CD72: variants seen among roughly 807,000 people sequenced by gnomAD.
CD72 encodes the protein B-cell differentiation antigen CD72.
CD72 carries 28 observed loss-of-function variants against 50.7 expected under a neutral mutation model. That is an observed-to-expected ratio of 0.55 (90% CI 0.41 to 0.76). The LOEUF is 0.76. Among genes scored for constraint, CD72 ranks in the 30% least tolerant of loss-of-function variants. The pLI is 0.00. For synonymous variants in CD72, 176 were observed against 171.2 expected (o/e 1.03, Z -0.22); for missense variants, 403 against 420.6 (o/e 0.96, Z 0.37).
At chr9:35,641,919 T>A (rs1159262379) in intron 1 of CD72, among the ~76,000 whole-genome samples, 1 of 152,222 alleles carries the variant, frequency 6.6e-6, no homozygotes, top group Non-Finnish European at 1.5e-5. Flanking sequence ...TCCATACTGC[T>A]GCATGGGCAT....
intron 1 of CD72, among the ~76,000 whole-genome samples, chr9:35,638,640 T>C (rs1563900469): frequency 1.3e-5 from 2 of 151,090 alleles, no homozygotes; most frequent in Non-Finnish European, 2.9e-5. Flanking sequence ...GTCCTGCAAG[T>C]TAACCTGCAG....
In CD72 at chr9:35,616,037, G is replaced by A. The variant is rs1823058417; in HGVS notation, c.594C>T (p.Thr198=). The A allele has an allele frequency of 1.9e-6, 3 of 1,614,054 alleles. No individual in the cohort carries two copies. Among genetic ancestry groups the A allele is most frequent in the Non-Finnish European group, 2.5e-6 (3 of 1,180,012 alleles). Residue 198 remains threonine (T), a synonymous_variant, in exon 5 of 9, where the codon ACC becomes ACT. Coordinates refer to ENST00000259633, the MANE Select transcript of CD72 (RefSeq NM_001782.3). ...CQADRQKTKE[T]LQSEEQQRRA... ...TCCTCTGTTGCTCCTCACTTTGCAAGGTCTCCTTCGTCTTCTGTCTGTCTG... is the reference window on the plus strand; with the variant it reads ...TCCTCTGTTGCTCCTCACTTTGCAAAGTCTCCTTCGTCTTCTGTCTGTCTG...
intron 5 of CD72, 56 bp from the exon 6 acceptor site, chr9:35,613,049 A>G: frequency 6.8e-7 from 1 of 1,467,946 alleles, no homozygotes; most frequent in Non-Finnish European, 9.4e-7. Context: ...GTGACTACTC[A>G]GCAATCTTTT....
intron 5 of CD72, among the ~76,000 whole-genome samples, chr9:35,615,550 C>T (rs1480864774): frequency 6.6e-6 from 1 of 152,030 alleles, no homozygotes; most frequent in Admixed American, 6.6e-5. Context: ...TTGGGGAGAT[C>T]TCAGCTATAA....
At chr9:35,622,750 G>A (rs1050893578), upstream of CD72, among the ~76,000 whole-genome samples, 1 of 151,604 alleles carries the variant, frequency 6.6e-6, no homozygotes, top group African/African-American at 2.4e-5. Flanking sequence ...TGGTGCCACT[G>A]CACTCCAGCC....
At chr9:35,633,423 T>C (rs2131784823) in intron 1 of CD72, among the ~76,000 whole-genome samples, 1 of 152,346 alleles carries the variant, frequency 6.6e-6, no homozygotes, top group East Asian at 1.9e-4. Flanking sequence ...GTATAATATA[T>C]GATACAGGGT....
chr9:35,612,748 G>C (rs1048969192), intron 6 of CD72, 100 bp downstream of exon 6: 2 of 1,100,994 alleles, frequency 1.8e-6, no homozygotes, highest in Non-Finnish European at 2.7e-6. Context: ...GAAAAGGAAT[G>C]GCCACCCCAG....
At chr9:35,614,827 C>T (rs1345010082) in intron 5 of CD72, among the ~76,000 whole-genome samples, 2 of 151,994 alleles carry the variant, frequency 1.3e-5, no homozygotes, top group African/African-American at 4.8e-5. Flanking sequence ...ATAGTGAGAC[C>T]TTGTCTCTAT....
intron 1 of CD72, among the ~76,000 whole-genome samples, chr9:35,636,428 A>G (rs778217753): frequency 5.3e-5 from 8 of 152,230 alleles, no homozygotes; most frequent in Non-Finnish European, 8.8e-5. Context: ...CTAAGTAGAG[A>G]ATATACAGTA....
intron 1 of CD72, among the ~76,000 whole-genome samples, chr9:35,632,394 C>T (rs1410477246): frequency 2.0e-5 from 3 of 151,698 alleles, no homozygotes; most frequent in Admixed American, 6.6e-5. Context: ...ATGGTCTTGA[C>T]CTCCTGACCT....
chr9:35,638,768 C>T (rs1823313583), intron 1 of CD72, among the ~76,000 whole-genome samples: 1 of 151,528 alleles, frequency 6.6e-6, no homozygotes, highest in Non-Finnish European at 1.5e-5. Flanking sequence ...TCCAGGAAGG[C>T]ATCAGAGCAG....
At chr9:35,642,859 C>T (rs1823352247) in intron 1 of CD72, 2 of 152,136 alleles carry the variant, frequency 1.3e-5, no homozygotes, top group African/African-American at 4.8e-5. Flanking sequence ...ATTTTATCAC[C>T]CAATCTGCTC....
chr9:35,617,054 T>C (rs1467663127), intron 3 of CD72, 122 bp downstream of exon 3: 1 of 1,477,130 alleles, frequency 6.8e-7, no homozygotes, highest in South Asian at 1.4e-5. Flanking sequence ...AGCCCGGGCG[T>C]CGGAAGGACT....
chr9:35,644,098 A>T (rs1823364898), intron 1 of CD72, among the ~76,000 whole-genome samples: 1 of 151,748 alleles, frequency 6.6e-6, no homozygotes, highest in Non-Finnish European at 1.5e-5. Flanking sequence ...TGTAATCCCA[A>T]CACTTTGGGA....
intron 1 of CD72, among the ~76,000 whole-genome samples, chr9:35,639,124 A>G (rs10814262): frequency 0.86 from 130,714 of 151,868 alleles, 58,126 homozygotes; most frequent in East Asian, 1. Flanking sequence ...CTCATCCAGT[A>G]GGAATAAATT....
intron 1 of CD72, among the ~76,000 whole-genome samples, chr9:35,639,426 T>C (rs1433546783): frequency 2.0e-5 from 3 of 151,830 alleles, no homozygotes; most frequent in African/African-American, 4.8e-5. Context: ...ACAGAGACTA[T>C]AAAAACAAAA....
At chr9:35,642,133 T>A (rs1271518590) in intron 1 of CD72, among the ~76,000 whole-genome samples, 1 of 152,190 alleles carries the variant, frequency 6.6e-6, no homozygotes, top group Admixed American at 6.5e-5. Context: ...GGAACTTCCA[T>A]CAGTATACAA....
chr9:35,611,121 T>G (rs758903972), intron 7 of CD72, among the ~76,000 whole-genome samples: 6 of 151,790 alleles, frequency 4.0e-5, no homozygotes, highest in East Asian at 3.9e-4. Flanking sequence ...CATGGCGGTG[T>G]GCGCCTGTAG....
At chr9:35,623,783 G>A (rs1309352636), upstream of CD72, among the ~76,000 whole-genome samples, 1 of 152,176 alleles carries the variant, frequency 6.6e-6, no homozygotes, top group Non-Finnish European at 1.5e-5. Flanking sequence ...GGGCATAGTG[G>A]TACATGCGTA....
Sources: allele counts gnomAD v4.1 joint callset (sites outside exome capture counted in the v4.1 genomes callset), GRCh38; gene constraint gnomAD v4.1.1; transcripts MANE v1.5; gene names NCBI Gene and HGNC (gene_info 2026-07-23, HGNC 2026-07-21).